HNF4G: variants seen among roughly 807,000 people sequenced by gnomAD.
The protein encoded by HNF4G is hepatocyte nuclear factor 4 gamma, also known as hepatocyte nuclear factor 4-gamma.
A neutral mutation model predicts 50.9 loss-of-function variants in HNF4G; 21 were observed. The ratio of observed to expected loss-of-function variants is 0.41; its 90% CI spans 0.29 to 0.59. The LOEUF is 0.59. Among genes scored for constraint, HNF4G ranks in the 20% least tolerant of loss-of-function variants. The pLI is 0.26. For missense variants in HNF4G, 527 were observed against 559.4 expected (o/e 0.94, Z 0.58); for synonymous variants, 198 against 185.6 (o/e 1.07, Z -0.54).
At chr8:75,422,637 T>TGG (rs1810799233) in intron 1 of HNF4G, among the ~76,000 whole-genome samples, 2 of 150,694 alleles carry the variant, frequency 1.3e-5, no homozygotes, top group Admixed American at 1.3e-4. Context: ...TGCTGCATTA[T>TGG]CTTTTTTTTT....
intron 1 of HNF4G, among the ~76,000 whole-genome samples, chr8:75,423,986 G>A (rs1810836325): frequency 6.6e-6 from 1 of 151,174 alleles, no homozygotes; most frequent in Non-Finnish European, 1.5e-5. Flanking sequence ...ACCACACCCA[G>A]CTAATTTTTG....
chr8:75,469,135 C>A (rs1265448621), intron 1 of HNF4G, among the ~76,000 whole-genome samples: 1 of 152,140 alleles, frequency 6.6e-6, no homozygotes, highest in Non-Finnish European at 1.5e-5. Context: ...GTGGAAGGAG[C>A]AGCAGAGATA....
intron 2 of HNF4G, among the ~76,000 whole-genome samples, chr8:75,509,238 T>C (rs1374739967): frequency 3.9e-5 from 6 of 151,994 alleles, no homozygotes; most frequent in Admixed American, 3.9e-4. Context: ...CCAAGGGAAG[T>C]GTAAAGGGAA....
At chr8:75,496,770 A>C (rs180938484) in intron 2 of HNF4G, among the ~76,000 whole-genome samples, 3 of 151,866 alleles carry the variant, frequency 2.0e-5, no homozygotes, top group East Asian at 1.9e-4. Flanking sequence ...GCATATATAG[A>C]AATTATAACG....
chr8:75,547,309 T>C (rs1256824175), intron 2 of HNF4G, among the ~76,000 whole-genome samples: 1 of 152,146 alleles, frequency 6.6e-6, no homozygotes, highest in Non-Finnish European at 1.5e-5. Flanking sequence ...CAAAACTAGG[T>C]TTGGCTTTCA....
intron 1 of HNF4G, among the ~76,000 whole-genome samples, chr8:75,462,599 G>C (rs1240806741): frequency 1.3e-5 from 2 of 152,100 alleles, no homozygotes; most frequent in African/African-American, 4.8e-5. Context: ...ACGAAACCTT[G>C]GATAAGGGAA....
intron 2 of HNF4G, among the ~76,000 whole-genome samples, chr8:75,523,867 T>A (rs2130751313): frequency 6.6e-6 from 1 of 152,108 alleles, no homozygotes; most frequent in East Asian, 1.9e-4. Flanking sequence ...TTGGTAATTG[T>A]CTTATCTTTA....
Position 75,558,810 on chromosome 8 carries a change from G to T in HNF4G, c.896G>T (p.Gly299Val), listed in dbSNP as rs759573000. 1 of 1,613,708 alleles carries T rather than the reference G, an allele frequency of 6.2e-7. No individual in the cohort carries two copies. Among genetic ancestry groups the T allele is most frequent in the Non-Finnish European group, 8.5e-7 (1 of 1,179,746 alleles). The part of the protein sequence containing the change: ...AIVFFDPDAK[G>V]LSDPVKIKNM... Reference sequence around the variant, plus strand: ...CTTATTCCTTTGTTAGATGCAAAAGGGCTAAGCGATCCAGTAAAAATTAAG... The same window carrying T: ...CTTATTCCTTTGTTAGATGCAAAAGTGCTAAGCGATCCAGTAAAAATTAAG... Residue 299 changes from glycine to valine, a missense_variant, in exon 8 of 10, where the codon GGG (glycine) becomes GTG (valine). Physicochemically the swap from Gly to Val is moderately radical, Grantham distance 109 (BLOSUM62 -3). This residue lies in a region of HNF4G where 308 missense variants were observed against 301.5 expected (regional missense o/e 1.02). Transcript: ENST00000396423.
chr8:75,479,838 C>T (rs1812333807), intron 1 of HNF4G, among the ~76,000 whole-genome samples: 1 of 152,012 alleles, frequency 6.6e-6, no homozygotes, highest in Non-Finnish European at 1.5e-5. Flanking sequence ...TCCATCACAT[C>T]AATGTTTTCA....
intron 2 of HNF4G, among the ~76,000 whole-genome samples, chr8:75,496,150 T>C (rs1419497567): frequency 6.6e-6 from 1 of 152,124 alleles, no homozygotes; most frequent in Non-Finnish European, 1.5e-5. Flanking sequence ...ATATAAGTAA[T>C]ATGCAAAAAA....
chr8:75,498,926 C>T (rs569424512), intron 2 of HNF4G, among the ~76,000 whole-genome samples: 1 of 152,202 alleles, frequency 6.6e-6, no homozygotes, highest in African/African-American at 2.4e-5. Flanking sequence ...GGCAAACTCA[C>T]ATCAAACATC....
chr8:75,539,966 A>T lies in HNF4G; in HGVS notation c.4A>T (p.Met2Leu), dbSNP rs1314067122. 3 of 1,351,202 alleles carry T rather than the reference A, an allele frequency of 2.2e-6. No individual in the cohort carries two copies. The East Asian group carries it at 6.9e-5, about 31-fold the overall frequency. 83.7% of individuals were successfully genotyped at this position (1,351,202 alleles called of 1,614,324 possible). MMRVSEPILDMD... is the reference protein window; with the variant it reads MLRVSEPILDMD... ...TTGTATGTGTGTTTCTAAATCAATG[A>T]TGAGGGTATCAGAACCAATACTGGA... The change falls in exon 1 of 10, where the codon ATG (methionine) becomes TTG (leucine). Residue 2 changes from methionine to leucine, a missense_variant. By Grantham distance (15) the Met-to-Leu change is conservative. Transcript: ENST00000396423.
chr8:75,486,067 C>T (rs532357685), intron 1 of HNF4G, among the ~76,000 whole-genome samples: 2 of 152,230 alleles, frequency 1.3e-5, no homozygotes, highest in Admixed American at 1.3e-4. Context: ...TTATATAGGG[C>T]CCAGTTTTAT....
intron 2 of HNF4G, among the ~76,000 whole-genome samples, chr8:75,510,110 TTATCCTAACCCTGTG>T (rs1563534695): frequency 6.6e-6 from 1 of 152,120 alleles, no homozygotes; most frequent in Admixed American, 6.6e-5. Context: ...GTGATATTGA[TTATCCTAACCCTGTG>T]TAGGCCTAGA....
At position 75,539,949 on chromosome 8, in the gene HNF4G, G is replaced by T. The variant is rs1172550097; in HGVS notation, c.-14G>T. 3 of 1,172,468 alleles carry T rather than the reference G, an allele frequency of 2.6e-6. No homozygotes were observed. In the African/African-American group the frequency reaches 4.6e-5, roughly 18 times the overall value. 72.6% of individuals were successfully genotyped at this position (1,172,468 alleles called of 1,614,324 possible). On this transcript the variant is annotated 5_prime_UTR_variant, in exon 1 of 10. Transcript: ENST00000396423. ...TGGGCTTGTGGTGCCACTTGTATGT[G>T]TGTTTCTAAATCAATGATGAGGGTA...
chr8:75,480,968 C>T (rs1812363674), intron 1 of HNF4G, among the ~76,000 whole-genome samples: 3 of 152,054 alleles, frequency 2.0e-5, no homozygotes, highest in Admixed American at 6.5e-5. Flanking sequence ...CCACCTGCCT[C>T]GGTATCCCAA....
chr8:75,420,452 C>T (rs549907713), intron 1 of HNF4G, among the ~76,000 whole-genome samples: 7 of 152,328 alleles, frequency 4.6e-5, no homozygotes, highest in African/African-American at 1.2e-4. Flanking sequence ...CGGCCTCAGC[C>T]GTCTCTCTTT....
At chr8:75,419,321 T>C (rs1400197148) in intron 1 of HNF4G, among the ~76,000 whole-genome samples, 1 of 152,178 alleles carries the variant, frequency 6.6e-6, no homozygotes, top group Non-Finnish European at 1.5e-5. Flanking sequence ...CATACAGGCA[T>C]TTATGTATCA....
intron 2 of HNF4G, among the ~76,000 whole-genome samples, chr8:75,514,624 T>C (rs1273757300): frequency 1.3e-5 from 2 of 152,104 alleles, no homozygotes; most frequent in Non-Finnish European, 2.9e-5. Context: ...GTGCTGAGAT[T>C]ACAGGTGTGA....
Sources: allele counts gnomAD v4.1 joint callset (sites outside exome capture counted in the v4.1 genomes callset), GRCh38; gene constraint gnomAD v4.1.1; regional missense constraint gnomAD v4.1.1; transcripts MANE v1.5; gene names NCBI Gene and HGNC (gene_info 2026-07-23, HGNC 2026-07-21).